Variants in ATRNL1 observed in about 807,000 individuals in gnomAD.
ATRNL1 encodes attractin-like protein 1.
In ATRNL1, 95 loss-of-function variants were observed where a neutral mutation model predicts 182.7. The observed-to-expected ratio is 0.52, with a 90% CI of 0.44 to 0.62. The LOEUF is 0.62. Among genes scored for constraint, ATRNL1 ranks in the 20% least tolerant of loss-of-function variants. The pLI is 0.00. For missense variants in ATRNL1, 1,471 were observed against 1,679.5 expected (o/e 0.88, Z 2.17); for synonymous variants, 576 against 568.3 (o/e 1.01, Z -0.19).
chr10:115,440,406 A>T (rs1846613196), intron 21 of ATRNL1, among the ~76,000 whole-genome samples: 1 of 151,892 alleles, frequency 6.6e-6, no homozygotes, highest in African/African-American at 2.4e-5. Flanking sequence ...AGGGTATAAC[A>T]ATGGTATTAC....
intron 27 of ATRNL1, among the ~76,000 whole-genome samples, chr10:115,820,827 T>C (rs1373669807): frequency 6.6e-6 from 1 of 152,116 alleles, no homozygotes; most frequent in African/African-American, 2.4e-5. Context: ...GTAGATGATA[T>C]GGTTTGGCTC....
chr10:115,107,661 G>A (rs1554866403), intron 1 of ATRNL1, among the ~76,000 whole-genome samples: 1 of 152,152 alleles, frequency 6.6e-6, no homozygotes, highest in Non-Finnish European at 1.5e-5. Flanking sequence ...TTTATGATGA[G>A]TCTGCTGCTG....
chr10:115,772,405 T>C (rs779924396), intron 27 of ATRNL1, among the ~76,000 whole-genome samples: 21 of 152,132 alleles, frequency 1.4e-4, no homozygotes, highest in Non-Finnish European at 2.2e-4. Flanking sequence ...ATTGACATGG[T>C]CCATTTGAAG....
chr10:115,184,560 G>C (rs1173198796), intron 8 of ATRNL1, among the ~76,000 whole-genome samples: 1 of 151,562 alleles, frequency 6.6e-6, no homozygotes, highest in African/African-American at 2.4e-5. Context: ...AGATAAACCA[G>C]AAAACAAGTA....
chr10:115,651,211 A>G (rs1462567785), intron 26 of ATRNL1, among the ~76,000 whole-genome samples: 1 of 152,128 alleles, frequency 6.6e-6, no homozygotes, highest in Non-Finnish European at 1.5e-5. Flanking sequence ...CTTTTTATTC[A>G]TGCTACTAGA....
At chr10:115,242,194 A>T (rs1554903113) in intron 10 of ATRNL1, among the ~76,000 whole-genome samples, 1 of 152,022 alleles carries the variant, frequency 6.6e-6, no homozygotes, top group African/African-American at 2.4e-5. Context: ...TAGAGAAAGG[A>T]ATAGAGATAG....
At chr10:115,595,405 T>C (rs1225074891) in intron 26 of ATRNL1, among the ~76,000 whole-genome samples, 2 of 152,230 alleles carry the variant, frequency 1.3e-5, no homozygotes, top group African/African-American at 4.8e-5. Context: ...ATTTGTAATA[T>C]TATATATTAA....
At chr10:115,759,638 C>T (rs1428577333) in intron 27 of ATRNL1, among the ~76,000 whole-genome samples, 1 of 150,784 alleles carries the variant, frequency 6.6e-6, no homozygotes, top group Non-Finnish European at 1.5e-5. Flanking sequence ...AATTTTAAAG[C>T]ATTTTATGAT....
intron 5 of ATRNL1, among the ~76,000 whole-genome samples, chr10:115,133,356 C>T (rs1284090684): frequency 1.3e-5 from 2 of 151,864 alleles, no homozygotes; most frequent in South Asian, 2.1e-4. Context: ...AGTTTGAAGT[C>T]GGGTAGCAAA....
At chr10:115,554,829 A>G (rs1485896221) in intron 26 of ATRNL1, among the ~76,000 whole-genome samples, 1 of 151,698 alleles carries the variant, frequency 6.6e-6, no homozygotes, top group Non-Finnish European at 1.5e-5. Flanking sequence ...TTTTTACTGT[A>G]TATACAATAC....
intron 19 of ATRNL1, among the ~76,000 whole-genome samples, chr10:115,371,955 A>G (rs1479640535): frequency 1.3e-5 from 2 of 152,106 alleles, no homozygotes; most frequent in Admixed American, 6.6e-5. Flanking sequence ...GCTATTTGAG[A>G]TAGTGAATAA....
rs1554862057 is a variant in ATRNL1, at chr10:115,093,513, C to T, written c.-238C>T. On this transcript the variant is annotated 5_prime_UTR_variant, in exon 1 of 29. Coordinates refer to ENST00000355044, the MANE Select transcript of ATRNL1 (RefSeq NM_207303.4). The surrounding 1 kb of genome is among the most constrained non-coding windows in gnomAD (Gnocchi z 6.1). The stretch of plus-strand genomic sequence containing the variant: ...GGACGCCGCGGCTGTGGGGTCGGCC[C>T]GCTAAGGACAAGGTCGGGAGACTGG... The T allele has an allele frequency of 1.5e-6, 1 of 660,274 alleles. No homozygotes were observed. Among genetic ancestry groups the T allele is most frequent in the Admixed American group, 2.1e-5 (1 of 47,350 alleles). 40.9% of individuals were successfully genotyped at this position (660,274 alleles called of 1,614,324 possible).
chr10:115,440,342 G>A (rs1343175276), intron 21 of ATRNL1, among the ~76,000 whole-genome samples: 4 of 151,678 alleles, frequency 2.6e-5, no homozygotes, highest in Non-Finnish European at 5.9e-5. Context: ...TTGGTTCTGG[G>A]GTTTTATTCT....
At chr10:115,770,567 A>G (rs1555076118) in intron 27 of ATRNL1, among the ~76,000 whole-genome samples, 1 of 152,194 alleles carries the variant, frequency 6.6e-6, no homozygotes, top group African/African-American at 2.4e-5. Context: ...CAAATTATAA[A>G]TTAAATGTCC....
At chr10:115,145,241 G>A (rs1592163001) in intron 5 of ATRNL1, among the ~76,000 whole-genome samples, 1 of 152,240 alleles carries the variant, frequency 6.6e-6, no homozygotes, top group Admixed American at 6.5e-5. Flanking sequence ...TAGGATGGAA[G>A]ATAAGTGACT....
At chr10:115,347,124 T>C (rs1554939980) in intron 19 of ATRNL1, among the ~76,000 whole-genome samples, 1 of 152,128 alleles carries the variant, frequency 6.6e-6, no homozygotes, top group Non-Finnish European at 1.5e-5. Flanking sequence ...TGAAGACAAG[T>C]TTAGTTATTT....
intron 28 of ATRNL1, among the ~76,000 whole-genome samples, chr10:115,863,312 C>A (rs1951358287): frequency 1.3e-5 from 2 of 152,054 alleles, no homozygotes; most frequent in African/African-American, 4.8e-5. Flanking sequence ...AAAAGAGCAA[C>A]CTAAGTACCT....
chr10:115,539,822 AC>A (rs1162585863), intron 25 of ATRNL1, among the ~76,000 whole-genome samples: 2 of 152,036 alleles, frequency 1.3e-5, no homozygotes, highest in African/African-American at 4.8e-5. Context: ...GCCAAGATAA[AC>A]CCTGTTGATT....
At chr10:115,311,767 T>C (rs1854042086) in intron 17 of ATRNL1, among the ~76,000 whole-genome samples, 1 of 152,216 alleles carries the variant, frequency 6.6e-6, no homozygotes, top group Non-Finnish European at 1.5e-5. Flanking sequence ...ATTGATTGTT[T>C]TATGAATTTG....
Sources: gnomAD v4.1 joint callset for allele counts (sites outside exome capture counted in the v4.1 genomes callset) on GRCh38, gnomAD v4.1.1 for gene constraint, Gnocchi (gnomAD v3.1) non-coding constraint, MANE v1.5 for transcripts, NCBI Gene and HGNC (gene_info 2026-07-23, HGNC 2026-07-21) for gene names.